STEAP3: variants seen among roughly 807,000 people sequenced by gnomAD.
The protein encoded by STEAP3 is STEAP3 metalloreductase, also known as metalloreductase STEAP3.
Under a neutral mutation model 34.9 loss-of-function variants are expected in STEAP3, and 35 were observed. The observed-to-expected ratio is 1.00, with a 90% CI of 0.76 to 1.33. The LOEUF is 1.33. Ranked by LOEUF, STEAP3 falls within the 40% of genes most tolerant of loss-of-function variation. STEAP3 has a pLI of 0.00. For missense variants in STEAP3, 652 were observed against 667.6 expected (o/e 0.98, Z 0.26); for synonymous variants, 281 against 301.6 (o/e 0.93, Z 0.71).
At chr2:119,236,592 G>A (rs1382678305) in intron 2 of STEAP3, among the ~76,000 whole-genome samples, 3 of 152,210 alleles carry the variant, frequency 2.0e-5, no homozygotes, top group South Asian at 4.1e-4. Flanking sequence ...GTTATTTAGA[G>A]AATCCCAGGG....
intron 2 of STEAP3, among the ~76,000 whole-genome samples, chr2:119,235,582 A>C (rs1677071965): frequency 6.6e-6 from 1 of 152,230 alleles, no homozygotes; most frequent in Non-Finnish European, 1.5e-5. Flanking sequence ...ATATGTTTTC[A>C]TCAGTCCTCC....
intron 4 of STEAP3, among the ~76,000 whole-genome samples, chr2:119,254,444 A>T (rs955103465): frequency 6.6e-6 from 1 of 151,994 alleles, no homozygotes. Context: ...TGGGAAAGTG[A>T]TTTGATCTTT....
intron 5 of STEAP3, 25 bp downstream of exon 5, chr2:119,254,873 C>T (rs1677732226): frequency 1.9e-6 from 3 of 1,609,086 alleles, no homozygotes; most frequent in Non-Finnish European, 8.5e-7. Context: ...AGTCTGCCAG[C>T]CAGCTTCAGC....
Position 119,230,975 on chromosome 2 carries a change from C to T in STEAP3, c.-38C>T, listed in dbSNP as rs368947471. ...GTGGCTCACCTCACGGTGAGGCTGT[C>T]GAGTGACCTGAGAGCCTCAGACCCT... On this transcript the variant is annotated 5_prime_UTR_variant, in exon 2 of 6. Coordinates refer to ENST00000393110, the MANE Select transcript of STEAP3 (RefSeq NM_182915.3). 10 of 1,614,152 alleles carry T rather than the reference C, an allele frequency of 6.2e-6. No homozygotes were observed. The African/African-American group carries it at 8.0e-5, about 13-fold the overall frequency.
At chr2:119,260,858 G>A (rs1028745521) in intron 5 of STEAP3, among the ~76,000 whole-genome samples, 2 of 152,134 alleles carry the variant, frequency 1.3e-5, no homozygotes, top group East Asian at 3.9e-4. Context: ...CTCACTCTTC[G>A]TGGTGAGCCA....
At chr2:119,224,326 A>T (rs1678969649) in intron 1 of STEAP3, among the ~76,000 whole-genome samples, 1 of 152,154 alleles carries the variant, frequency 6.6e-6, no homozygotes, top group Non-Finnish European at 1.5e-5. Context: ...CAGACCTCCC[A>T]GTCCCTTCGC....
intron 5 of STEAP3, among the ~76,000 whole-genome samples, chr2:119,261,621 T>C (rs1403417651): frequency 1.3e-5 from 2 of 152,170 alleles, no homozygotes; most frequent in African/African-American, 4.8e-5. Context: ...CCCCTCTGAC[T>C]TTAGCTTTGG....
intron 2 of STEAP3, among the ~76,000 whole-genome samples, chr2:119,239,645 T>C (rs1194979246): frequency 6.6e-6 from 1 of 152,214 alleles, no homozygotes; most frequent in African/African-American, 2.4e-5. Flanking sequence ...GAAGCGCTTT[T>C]CTTGGGCTCA....
intron 2 of STEAP3, among the ~76,000 whole-genome samples, chr2:119,239,641 CT>C (rs1432432555): frequency 2.6e-5 from 4 of 152,208 alleles, no homozygotes; most frequent in Admixed American, 6.5e-5. Flanking sequence ...TTCTGAAGCG[CT>C]TTTCTTGGGC....
intron 5 of STEAP3, among the ~76,000 whole-genome samples, chr2:119,261,612 C>G (rs1677944907): frequency 6.6e-6 from 1 of 152,136 alleles, no homozygotes; most frequent in African/African-American, 2.4e-5. Context: ...CAGCGCTTCC[C>G]CCTCTGACTT....
chr2:119,249,640 C>T (rs965057190), intron 4 of STEAP3, among the ~76,000 whole-genome samples: 13 of 152,256 alleles, frequency 8.5e-5, no homozygotes, highest in Middle Eastern at 3.4e-3. Context: ...CCATCCCCTC[C>T]GAGCATGGGG....
chr2:119,233,953 G>T (rs1273826174), intron 2 of STEAP3, among the ~76,000 whole-genome samples: 2 of 152,210 alleles, frequency 1.3e-5, no homozygotes, highest in African/African-American at 4.8e-5. Flanking sequence ...CGGTTAGAGG[G>T]TGGAGGCCGA....
intron 2 of STEAP3, among the ~76,000 whole-genome samples, chr2:119,241,696 G>A (rs570903952): frequency 2.0e-5 from 3 of 152,244 alleles, no homozygotes; most frequent in Non-Finnish European, 2.9e-5. Flanking sequence ...AGCTCCCCTC[G>A]GCTGCAGCGG....
rs1435306635 is a variant in STEAP3 at position 119,257,508 on chromosome 2, G to A, written c.1215+2660G>A. 7.1e-6 allele frequency: 11 copies of A among 1,545,180 alleles called. No individual in the cohort carries two copies. In the African/African-American group the frequency reaches 1.4e-4, roughly 19 times the overall value. Reference sequence around the variant, plus strand: ...CACAGGCAGTGGAACCCGAAGACCTGAATCTCAGTCCCAAGACCCCCACTT... The same window carrying A: ...CACAGGCAGTGGAACCCGAAGACCTAAATCTCAGTCCCAAGACCCCCACTT... On this transcript the variant is annotated intron_variant, in intron 5 of 5. Transcript: ENST00000393110.
chr2:119,259,551 G>T (rs764307442), intron 5 of STEAP3, among the ~76,000 whole-genome samples: 14 of 152,264 alleles, frequency 9.2e-5, no homozygotes, highest in Admixed American at 5.9e-4. Context: ...GCACAAGAAT[G>T]AGGCTATATG....
chr2:119,234,855 C>A (rs1019939814), intron 2 of STEAP3, among the ~76,000 whole-genome samples: 1 of 152,206 alleles, frequency 6.6e-6, no homozygotes, highest in Admixed American at 6.5e-5. Context: ...GGCCTTGGTG[C>A]TGACTGTTGG....
At chr2:119,245,284 C>T in intron 2 of STEAP3, 1 of 632,840 alleles carries the variant, frequency 1.6e-6, no homozygotes, top group Non-Finnish European at 2.6e-6. Context: ...GTCATCCCTG[C>T]TCTTCCTGAG....
In STEAP3 at chr2:119,263,191, C is replaced by T. The variant is rs759267719; in HGVS notation, c.1350C>T (p.Cys450=). 5.5e-5 allele frequency: 88 copies of T among 1,614,076 alleles called. No individual in the cohort carries two copies. Among genetic ancestry groups the T allele is most frequent in the African/African-American group, 6.7e-5 (5 of 74,948 alleles). ...TCACGCTCACGCTGCTGGTGCCCTG[C>T]GTCGTCATCCTGGCCAAAGCCCTGT... ...PTFTLTLLVP[C]VVILAKALFL... The change falls in exon 6 of 6, where the codon TGC becomes TGT. Residue 450 remains cysteine, a synonymous_variant. Transcript: ENST00000393110.
At chr2:119,260,158 T>A (rs1677896784) in intron 5 of STEAP3, among the ~76,000 whole-genome samples, 1 of 152,034 alleles carries the variant, frequency 6.6e-6, no homozygotes, top group Non-Finnish European at 1.5e-5. Context: ...AGCCACAGAC[T>A]GTTAAACTCT....
Sources: allele counts gnomAD v4.1 joint callset (sites outside exome capture counted in the v4.1 genomes callset), GRCh38; gene constraint gnomAD v4.1.1; transcripts MANE v1.5; gene names NCBI Gene and HGNC (gene_info 2026-07-23, HGNC 2026-07-21).